ZNF804B: variants seen among roughly 807,000 people sequenced by gnomAD.
ZNF804B encodes zinc finger 804B.
Under a neutral mutation model 101.4 loss-of-function variants are expected in ZNF804B, and 80 were observed. The ratio of observed to expected loss-of-function variants is 0.79; its 90% CI spans 0.66 to 0.95. The LOEUF is 0.95. ZNF804B is among the 40% of genes least tolerant of loss of function. The pLI, the probability that ZNF804B is intolerant of heterozygous loss-of-function variation, is 0.00. For synonymous variants in ZNF804B, 622 were observed against 558.8 expected (o/e 1.11, Z -1.59); for missense variants, 1,673 against 1,561.9 (o/e 1.07, Z -1.20).
At chr7:89,271,366 C>T (rs898267745) in intron 2 of ZNF804B, among the ~76,000 whole-genome samples, 2 of 152,140 alleles carry the variant, frequency 1.3e-5, no homozygotes, top group African/African-American at 4.8e-5. Context: ...TGCTGGATTA[C>T]GTTTATTGAT....
chr7:88,914,870 G>T (rs1303763382), intron 1 of ZNF804B, among the ~76,000 whole-genome samples: 1 of 152,122 alleles, frequency 6.6e-6, no homozygotes, highest in Non-Finnish European at 1.5e-5. Context: ...TGAATCTAAA[G>T]ATTTAGTAGA....
chr7:88,880,100 TTGTTC>T (rs1438952511), intron 1 of ZNF804B, among the ~76,000 whole-genome samples: 15 of 151,442 alleles, frequency 9.9e-5, no homozygotes, highest in African/African-American at 3.6e-4. Context: ...CGAATAAAAG[TTGTTC>T]TGTGACAGTC....
rs543371024 is a variant in ZNF804B at position 89,336,533 on chromosome 7, C to T, written c.3551C>T (p.Ala1184Val). Reference sequence around the variant, plus strand: ...AAGCATCTTCGAGTTTTGCCTGCTGCAGGGCCTACTGCCTTCTCTCCGGCC... The same window carrying T: ...AAGCATCTTCGAGTTTTGCCTGCTGTAGGGCCTACTGCCTTCTCTCCGGCC... Reference protein sequence around the residue: ...LSKHLRVLPAAGPTAFSPAST... With the variant: ...LSKHLRVLPAVGPTAFSPAST... Residue 1184 changes from alanine to valine, a missense_variant, in exon 4 of 4, where the codon GCA becomes GTA. By Grantham distance (64) the Ala-to-Val change is moderately conservative. Transcript: ENST00000333190. 3 of 1,614,092 alleles carry T rather than the reference C, an allele frequency of 1.9e-6. No individual in the cohort carries two copies. The highest frequency in any genetic ancestry group is 1.7e-5 in the Admixed American group (1 of 59,966).
chr7:89,229,068 G>A (rs961907917), intron 2 of ZNF804B, among the ~76,000 whole-genome samples: 3 of 152,194 alleles, frequency 2.0e-5, no homozygotes, highest in Admixed American at 1.3e-4. Context: ...GCGCTGGCAC[G>A]CAAGCACCAC....
chr7:89,123,337 A>C (rs1172738614), intron 1 of ZNF804B, among the ~76,000 whole-genome samples: 1 of 152,164 alleles, frequency 6.6e-6, no homozygotes, highest in Non-Finnish European at 1.5e-5. Context: ...TGGAGTCCTC[A>C]AGATGATATA....
At chr7:88,794,722 T>C in intron 1 of ZNF804B, 2 of 1,613,634 alleles carry the variant, frequency 1.2e-6, no homozygotes. Context: ...CAAAACTGAC[T>C]GAAACATTTG....
chr7:89,175,991 C>T (rs933462085), intron 1 of ZNF804B, among the ~76,000 whole-genome samples: 9 of 151,894 alleles, frequency 5.9e-5, no homozygotes, highest in African/African-American at 2.2e-4. Flanking sequence ...AATATAAGAT[C>T]ATATCATCTG....
intron 1 of ZNF804B, among the ~76,000 whole-genome samples, chr7:88,966,318 A>T (rs1793453451): frequency 6.6e-6 from 1 of 151,612 alleles, no homozygotes; most frequent in African/African-American, 2.4e-5. Flanking sequence ...GAAAGAGCAG[A>T]TGTAATAATG....
chr7:88,854,973 A>G (rs960481424), intron 1 of ZNF804B, among the ~76,000 whole-genome samples: 2 of 151,824 alleles, frequency 1.3e-5, no homozygotes, highest in African/African-American at 4.8e-5. Context: ...CATGGTGTAT[A>G]TGTGCCACAT....
chr7:88,837,461 A>G (rs1044095055), intron 1 of ZNF804B, among the ~76,000 whole-genome samples: 2 of 151,962 alleles, frequency 1.3e-5, no homozygotes, highest in African/African-American at 4.8e-5. Flanking sequence ...TTAGTATTGG[A>G]AGAACTGCAT....
intron 1 of ZNF804B, among the ~76,000 whole-genome samples, chr7:88,768,420 T>C (rs1586894582): frequency 2.0e-5 from 3 of 152,296 alleles, no homozygotes; most frequent in East Asian, 3.9e-4. Flanking sequence ...TTAAGAACAT[T>C]AACTCACAAA....
At chr7:89,079,477 A>G (rs1789662952) in intron 1 of ZNF804B, among the ~76,000 whole-genome samples, 1 of 152,038 alleles carries the variant, frequency 6.6e-6, no homozygotes, top group African/African-American at 2.4e-5. Context: ...TAAATTTTTC[A>G]ATATCTGGAA....
intron 1 of ZNF804B, among the ~76,000 whole-genome samples, chr7:88,914,697 TA>T (rs550876864): frequency 2.6e-5 from 4 of 151,794 alleles, no homozygotes; most frequent in Admixed American, 6.6e-5. Flanking sequence ...CAATAATTGA[TA>T]AAAAAAATGG....
At chr7:89,211,325 G>T (rs370562157) in intron 1 of ZNF804B, among the ~76,000 whole-genome samples, 27 of 151,980 alleles carry the variant, frequency 1.8e-4, no homozygotes, top group African/African-American at 5.1e-4. Flanking sequence ...TGGGTTTTTT[G>T]TTGTTGTTGT....
chr7:89,128,850 A>G (rs958595423), intron 1 of ZNF804B, among the ~76,000 whole-genome samples: 15 of 152,140 alleles, frequency 9.9e-5, no homozygotes, highest in African/African-American at 3.4e-4. Context: ...TCTGTAAAAG[A>G]GACCCTGATA....
chr7:88,819,926 A>C (rs149431521), intron 1 of ZNF804B, among the ~76,000 whole-genome samples: 1 of 152,326 alleles, frequency 6.6e-6, no homozygotes, highest in African/African-American at 2.4e-5. Context: ...CTCAGGAAGC[A>C]TAGTTTGTCC....
Position 89,335,329 on chromosome 7 carries a change from A to G in ZNF804B, c.2347A>G (p.Arg783Gly), listed in dbSNP as rs774575504. Residue 783 changes from arginine to glycine, a missense_variant, in exon 4 of 4, where the codon AGG (arginine) becomes GGG (glycine). Arg to Gly is a moderately radical substitution (Grantham distance 125). Transcript: ENST00000333190. ...AATGCAGTCTGAACCACAGAAAGAG[A>G]GGAACTGCAAATTGTGGGAATCATT... ...SQMQSEPQKERNCKLWESFKN... is the reference protein window; with the variant it reads ...SQMQSEPQKEGNCKLWESFKN... 3 of 1,613,786 alleles carry G rather than the reference A, an allele frequency of 1.9e-6. No individual in the cohort carries two copies. Among genetic ancestry groups the G allele is most frequent in the Non-Finnish European group, 2.5e-6 (3 of 1,179,948 alleles).
chr7:89,198,388 C>G (rs1297090513), intron 1 of ZNF804B, among the ~76,000 whole-genome samples: 1 of 151,932 alleles, frequency 6.6e-6, no homozygotes, highest in Non-Finnish European at 1.5e-5. Flanking sequence ...CATGTTCATG[C>G]TCACTATTTA....
At chr7:89,281,582 C>T (rs1790095088) in intron 2 of ZNF804B, among the ~76,000 whole-genome samples, 1 of 152,232 alleles carries the variant, frequency 6.6e-6, no homozygotes, top group African/African-American at 2.4e-5. Context: ...GATTACTACA[C>T]AACTCTCTGC....
Sources: gnomAD v4.1 joint callset for allele counts (sites outside exome capture counted in the v4.1 genomes callset) on GRCh38, gnomAD v4.1.1 for gene constraint, MANE v1.5 for transcripts, NCBI Gene and HGNC (gene_info 2026-07-23, HGNC 2026-07-21) for gene names.